Variants in LARGE1 observed in about 807,000 individuals in gnomAD.
LARGE1 encodes the protein LARGE xylosyl- and glucuronyltransferase 1, also known as xylosyl- and glucuronyltransferase LARGE1.
LARGE1 carries 43 observed loss-of-function variants against 87.6 expected under a neutral mutation model. The ratio of observed to expected loss-of-function variants is 0.49; its 90% confidence interval spans 0.38 to 0.63. The LOEUF is 0.63. Ranked by LOEUF, LARGE1 falls within the 30% of genes least tolerant of loss-of-function variation. The pLI, the probability that LARGE1 is intolerant of heterozygous loss-of-function variation, is 0.00. For synonymous variants in LARGE1, 434 were observed against 394.6 expected, an observed-to-expected ratio of 1.10 and a Z score of -1.18; for missense variants, 802 against 1,000.2, an observed-to-expected ratio of 0.80 and a Z score of 2.67.
intron 1 of LARGE1, among the ~76,000 whole-genome samples, chr22:33,792,403 C>T (rs1170617396): frequency 6.6e-6 from 1 of 152,184 alleles, no homozygotes; most frequent in Non-Finnish European, 1.5e-5. Context: ...GCTTCCCCTT[C>T]CACCATGACT....
intron 2 of LARGE1, among the ~76,000 whole-genome samples, chr22:33,685,214 A>C (rs1439561551): frequency 6.6e-6 from 1 of 152,224 alleles, no homozygotes; most frequent in African/African-American, 2.4e-5. Flanking sequence ...TGGGCACTGG[A>C]TGAAGTGCTG....
chr22:33,364,826 A>G (rs2064527478), intron 9 of LARGE1, among the ~76,000 whole-genome samples: 1 of 152,050 alleles, frequency 6.6e-6, no homozygotes, highest in Non-Finnish European at 1.5e-5. Flanking sequence ...CCACCCAAGT[A>G]GCTGAGACTA....
intron 11 of LARGE1, among the ~76,000 whole-genome samples, chr22:33,262,374 C>T (rs939523224): frequency 1.3e-5 from 2 of 152,190 alleles, no homozygotes; most frequent in African/African-American, 4.8e-5. Context: ...CTGTTGAAAG[C>T]CCCATAGCCA....
At chr22:33,549,316 A>G (rs922293903) in intron 6 of LARGE1, among the ~76,000 whole-genome samples, 1 of 152,222 alleles carries the variant, frequency 6.6e-6, no homozygotes, top group Non-Finnish European at 1.5e-5. Flanking sequence ...GAGGAAAAAA[A>G]AGTTGTGTCT....
chr22:33,912,769 C>G (rs1195998525), intron 1 of LARGE1, among the ~76,000 whole-genome samples: 1 of 97,570 alleles, frequency 1.0e-5, no homozygotes, highest in Admixed American at 1.1e-4. Context: ...AAAGGAAGAA[C>G]AACAATGAAA....
chr22:33,341,077 T>A (rs925913366), intron 9 of LARGE1, among the ~76,000 whole-genome samples: 1 of 152,052 alleles, frequency 6.6e-6, no homozygotes, highest in African/African-American at 2.4e-5. Flanking sequence ...AAAATTCACA[T>A]GTGGAAAGCC....
At chr22:33,667,849 C>T (rs1292738733) in intron 2 of LARGE1, among the ~76,000 whole-genome samples, 1 of 152,236 alleles carries the variant, frequency 6.6e-6, no homozygotes, top group Non-Finnish European at 1.5e-5. Context: ...TGCCCGCTGT[C>T]TGAAAATCCT....
chr22:33,757,746 CACCTGCCACGAA>C (rs2084572164), intron 2 of LARGE1, among the ~76,000 whole-genome samples: 1 of 152,202 alleles, frequency 6.6e-6, no homozygotes, highest in African/African-American at 2.4e-5. Context: ...TTTATGGCTT[CACCTGCCACGAA>C]ACCAAAAACT....
intron 6 of LARGE1, among the ~76,000 whole-genome samples, chr22:33,451,032 C>G (rs1056699307): frequency 2.0e-5 from 3 of 152,222 alleles, no homozygotes; most frequent in Non-Finnish European, 4.4e-5. Context: ...GCCCACTGAT[C>G]TCCCTCTTGC....
intron 10 of LARGE1, among the ~76,000 whole-genome samples, chr22:33,325,307 A>G (rs1184035804): frequency 6.6e-6 from 1 of 152,252 alleles, no homozygotes; most frequent in African/African-American, 2.4e-5. Context: ...GCCTCCTTGC[A>G]GTTAAGAATA....
At chr22:33,184,940 C>T (rs1923396562) in intron 11 of LARGE1, among the ~76,000 whole-genome samples, 1 of 152,106 alleles carries the variant, frequency 6.6e-6, no homozygotes, top group Non-Finnish European at 1.5e-5. Flanking sequence ...GCAACGGGAA[C>T]TATTACTCAT....
chr22:33,089,576 C>A, the LARGE1 span, among the ~76,000 whole-genome samples: 3 of 151,822 alleles, frequency 2.0e-5, no homozygotes, highest in Non-Finnish European at 4.4e-5. Flanking sequence ...TAGCACACTG[C>A]AACCTTGAAC....
chr22:33,077,553 C>G, the LARGE1 span, among the ~76,000 whole-genome samples: 2 of 152,186 alleles, frequency 1.3e-5, no homozygotes, highest in Non-Finnish European at 2.9e-5. Context: ...TTCTTTAATA[C>G]TGAGCTATAA....
intron 4 of LARGE1, among the ~76,000 whole-genome samples, chr22:33,626,004 T>C (rs1349864299): frequency 6.6e-6 from 1 of 152,162 alleles, no homozygotes; most frequent in African/African-American, 2.4e-5. Context: ...ATTTGAGGTG[T>C]CCTTTAAGAT....
chr22:33,337,535 T>G, intron 10 of LARGE1, 111 bp downstream of exon 10: 1 of 1,301,302 alleles, frequency 7.7e-7, no homozygotes, highest in African/African-American at 1.5e-5. Context: ...GATGGCGTTG[T>G]GTTCACCTAG....
intron 11 of LARGE1, among the ~76,000 whole-genome samples, chr22:33,179,685 A>G (rs137362): frequency 0.62 from 94,395 of 152,028 alleles, 29,592 homozygotes; most frequent in Middle Eastern, 0.69. Context: ...GTACTTTGGG[A>G]GTTGTCCATT....
At chr22:33,479,327 A>AT (rs2069211645) in intron 6 of LARGE1, among the ~76,000 whole-genome samples, 1 of 152,184 alleles carries the variant, frequency 6.6e-6, no homozygotes, top group Non-Finnish European at 1.5e-5. Context: ...GCACCTGATG[A>AT]GCATTCAGCA....
intron 6 of LARGE1, among the ~76,000 whole-genome samples, chr22:33,559,260 C>T (rs1336151286): frequency 6.6e-6 from 1 of 152,198 alleles, no homozygotes; most frequent in African/African-American, 2.4e-5. Context: ...TGGCATACTG[C>T]AACCTCTGCC....
At chr22:33,754,036 T>C (rs1208564484) in intron 2 of LARGE1, among the ~76,000 whole-genome samples, 1 of 152,116 alleles carries the variant, frequency 6.6e-6, no homozygotes, top group Non-Finnish European at 1.5e-5. Flanking sequence ...CACTCCATCC[T>C]GGGCAATAGA....
Sources: allele counts gnomAD v4.1 joint callset (sites outside exome capture counted in the v4.1 genomes callset), GRCh38; gene constraint gnomAD v4.1.1; transcripts MANE v1.5; gene names NCBI Gene and HGNC (gene_info 2026-07-23, HGNC 2026-07-21).